Variants in YME1L1 observed in about 807,000 individuals in gnomAD.
The protein encoded by YME1L1 is ATP-dependent zinc metalloprotease YME1L1.
YME1L1 carries 39 observed loss-of-function variants against 90.4 expected under a neutral mutation model. The observed-to-expected ratio is 0.43, with a 90% CI of 0.33 to 0.56. YME1L1 has a LOEUF of 0.56. Among genes scored for constraint, YME1L1 ranks in the 20% least tolerant of loss-of-function variants. YME1L1 has a pLI of 0.03. For missense variants in YME1L1, 617 were observed against 868.4 expected (o/e 0.71, Z 3.64); for synonymous variants, 284 against 287.3 (o/e 0.99, Z 0.12).
chr10:27,127,417 C>T (rs2056931757), intron 8 of YME1L1, among the ~76,000 whole-genome samples: 1 of 152,128 alleles, frequency 6.6e-6, no homozygotes, highest in Non-Finnish European at 1.5e-5. Context: ...TACATATGTT[C>T]ACCAAGAGAC....
In YME1L1 at chr10:27,126,600, A is replaced by T. The variant is rs867028363; in HGVS notation, c.949+96T>A. 1.7e-4 allele frequency: 104 copies of T among 623,822 alleles called. No homozygotes were observed. In the African/African-American group the frequency reaches 1.9e-3, roughly 11 times the overall value. The allele number at this position is 623,822 out of a possible 1,614,324, so 38.6% of individuals were successfully genotyped here. The stretch of plus-strand genomic sequence containing the variant: ...AAATAGCAATTAAGACTTAAACTTT[A>T]ATCAGTTAAAATTAAATAAGTAATA... On this transcript the variant is annotated intron_variant, in intron 9 of 18. Coordinates refer to ENST00000376016, the MANE Select transcript of YME1L1 (RefSeq NM_014263.4).
intron 9 of YME1L1, among the ~76,000 whole-genome samples, chr10:27,125,458 G>GAAAAAAA (rs68143135): frequency 7.4e-5 from 8 of 107,684 alleles, no homozygotes; most frequent in Non-Finnish European, 8.9e-5. Flanking sequence ...TGTTTCATTT[G>GAAAAAAA]AAAAAAAAAA....
intron 4 of YME1L1, among the ~76,000 whole-genome samples, chr10:27,137,397 T>TA: frequency 6.6e-6 from 1 of 152,248 alleles, no homozygotes; most frequent in Non-Finnish European, 1.5e-5. Context: ...ACATTATTTG[T>TA]TTTCTGGTTT....
chr10:27,126,362 G>A (rs879782974), intron 9 of YME1L1, among the ~76,000 whole-genome samples: 17 of 152,098 alleles, frequency 1.1e-4, no homozygotes, highest in Admixed American at 2.6e-4. Flanking sequence ...TCGGGAGGTT[G>A]TGGCTACAGC....
chr10:27,118,915 G>A (rs543454632), intron 14 of YME1L1, among the ~76,000 whole-genome samples: 113 of 152,180 alleles, frequency 7.4e-4, no homozygotes, highest in South Asian at 1.2e-3. Context: ...TATTTGTTTC[G>A]TAAGATGCCA....
intron 13 of YME1L1, among the ~76,000 whole-genome samples, chr10:27,119,913 C>G (rs923000454): frequency 6.6e-6 from 1 of 151,768 alleles, no homozygotes; most frequent in African/African-American, 2.4e-5. Context: ...TGAATTTCAT[C>G]TGGAAATACT....
At chr10:27,153,314 G>C in intron 1 of YME1L1, 1 of 465,374 alleles carries the variant, frequency 2.1e-6, no homozygotes, top group Admixed American at 2.4e-5. Flanking sequence ...CTTAAAATGA[G>C]GGGGAGTAAA....
rs10829192 is a variant in YME1L1 at position 27,126,977 on chromosome 10, C to A, written c.859-191G>T. Among the ~76,000 whole-genome samples the A allele has an allele frequency of 0.24, 36,661 of 152,088 alleles. 4,983 individuals carry two copies. Among genetic ancestry groups the A allele is most frequent in the East Asian group, 0.56 (2,913 of 5,172 alleles). ...GGGTTTTCCCCTGACCATTATTTCC[C>A]ATTATGCAAAGTCTCCTTACTATCC... is the stretch of plus-strand genomic sequence containing the variant. On this transcript the variant is annotated intron_variant, in intron 8 of 18. Coordinates refer to ENST00000376016, the MANE Select transcript of YME1L1 (RefSeq NM_014263.4).
At chr10:27,118,865 C>A (rs765151150) in intron 14 of YME1L1, among the ~76,000 whole-genome samples, 2 of 152,196 alleles carry the variant, frequency 1.3e-5, no homozygotes, top group Non-Finnish European at 2.9e-5. Context: ...CATCTCCCCA[C>A]TACCAGTTTA....
intron 15 of YME1L1, 48 bp downstream of exon 15, chr10:27,117,527 CA>C (rs1296370840): frequency 4.4e-6 from 7 of 1,593,186 alleles, no homozygotes; most frequent in Non-Finnish European, 3.4e-6. Context: ...GAGATCGCGC[CA>C]TTGCACTCCA....
chr10:27,131,808 A>C, intron 8 of YME1L1, 51 bp downstream of exon 8: 1 of 1,371,178 alleles, frequency 7.3e-7, no homozygotes, highest in Non-Finnish European at 1.0e-6. Flanking sequence ...CCTCATATAG[A>C]GTATCAATTA....
At chr10:27,120,657 A>C (rs1332488618) in intron 12 of YME1L1, 110 bp from the exon 13 acceptor site, 1 of 733,142 alleles carries the variant, frequency 1.4e-6, no homozygotes, top group African/African-American at 1.8e-5. Context: ...GCCAGAGCGC[A>C]GATGGAGTTT....
chr10:27,124,098 G>A (rs2026016), intron 9 of YME1L1, among the ~76,000 whole-genome samples: 15,176 of 152,138 alleles, frequency 0.1, 2,473 homozygotes, highest in African/African-American at 0.34. Context: ...GACATCTGGT[G>A]AAAACATTTA....
At chr10:27,112,690 C>T (rs2056770254) in intron 18 of YME1L1, among the ~76,000 whole-genome samples, 1 of 152,144 alleles carries the variant, frequency 6.6e-6, no homozygotes. Context: ...GACTTTGGCA[C>T]TCAGCTCTGT....
At chr10:27,128,985 T>C (rs2056948736) in intron 8 of YME1L1, among the ~76,000 whole-genome samples, 1 of 146,136 alleles carries the variant, frequency 6.8e-6, no homozygotes, top group South Asian at 2.2e-4. Context: ...ACAAGGGAGG[T>C]TAAGGCAGGA....
At position 27,134,855 on chromosome 10, in the gene YME1L1, G is replaced by C. The variant is rs537318108; in HGVS notation, c.667C>G (p.Gln223Glu). Residue 223 changes from glutamine to glutamate, a missense_variant, in exon 6 of 19, where the codon CAA (glutamine) becomes GAA (glutamate). By Grantham distance (29) the Gln-to-Glu change is conservative. Around this residue, in one of 4 missense-constraint regions of YME1L1, gnomAD observed 311 missense variants for 335.8 expected, o/e 0.93. Transcript: ENST00000376016. ...CCATTGGTTTTTTGTGTGAGTGCTTGAGCTTTCAGAAAACCTTCCGCAAAA... is the reference window on the plus strand; with the variant it reads ...CCATTGGTTTTTTGTGTGAGTGCTTCAGCTTTCAGAAAACCTTCCGCAAAA... The part of the protein sequence containing the change: ...TGFAEGFLKA[Q>E]ALTQKTNDSL... The C allele has an allele frequency of 6.2e-7, 1 of 1,613,976 alleles. No homozygotes were observed. Among genetic ancestry groups the C allele is most frequent in the South Asian group, 1.1e-5 (1 of 91,070 alleles).
intron 1 of YME1L1, among the ~76,000 whole-genome samples, chr10:27,153,768 G>C (rs1272871540): frequency 6.6e-6 from 1 of 152,280 alleles, no homozygotes; most frequent in African/African-American, 2.4e-5. Context: ...AAAGAGCAGG[G>C]GATAGGGGCT....
rs140653762 is a variant in YME1L1 at position 27,134,097 on chromosome 10, A to C, written c.717T>G (p.Ile239Met). Residue 239 changes from isoleucine to methionine, a missense_variant, in exon 7 of 19, where the codon ATT becomes ATG. Physicochemically the swap from Ile to Met is conservative, Grantham distance 10. Around this residue, in one of 4 missense-constraint regions of YME1L1, gnomAD observed 311 missense variants for 335.8 expected, o/e 0.93. Coordinates refer to ENST00000376016, the MANE Select transcript of YME1L1 (RefSeq NM_014263.4). ...TNDSLRRTRLILFVLLLFGIY... is the reference protein window; with the variant it reads ...TNDSLRRTRLMLFVLLLFGIY... ...TGCCGAATAGCAGCAGAACGAAGAGAATCAGACGGGTTCGCCTTAGGGAAT... is the reference window on the plus strand; with the variant it reads ...TGCCGAATAGCAGCAGAACGAAGAGCATCAGACGGGTTCGCCTTAGGGAAT... 4 of 1,613,350 alleles carry C rather than the reference A, an allele frequency of 2.5e-6. No individual in the cohort carries two copies. The highest frequency in any genetic ancestry group is 3.4e-6 in the Non-Finnish European group (4 of 1,179,846).
intron 2 of YME1L1, chr10:27,147,205 T>C (rs2057153114): frequency 6.7e-6 from 4 of 592,646 alleles, no homozygotes; most frequent in East Asian, 2.8e-5. Context: ...CTAAGGAAGA[T>C]AGACTGGCCT....
Sources: allele counts gnomAD v4.1 joint callset (sites outside exome capture counted in the v4.1 genomes callset), GRCh38; gene constraint gnomAD v4.1.1; regional missense constraint gnomAD v4.1.1; transcripts MANE v1.5; gene names NCBI Gene and HGNC (gene_info 2026-07-23, HGNC 2026-07-21).